TSHZ3: variants seen among roughly 807,000 people sequenced by gnomAD.
TSHZ3 encodes teashirt zinc finger homeobox 3.
A neutral mutation model predicts 64.5 loss-of-function variants in TSHZ3; 10 were observed. That is an observed-to-expected ratio of 0.16 (90% CI 0.10 to 0.26). The LOEUF (loss-of-function observed/expected upper bound fraction) is 0.26. TSHZ3 is among the 10% of genes least tolerant of loss of function. The pLI, the probability that TSHZ3 is intolerant of heterozygous loss-of-function variation, is 1.00. For missense variants in TSHZ3, 1,242 were observed against 1,421.7 expected (o/e 0.87, Z 2.03); for synonymous variants, 608 against 593.1 (o/e 1.03, Z -0.36).
At chr19:31,182,904 G>T (rs572493443) in intron 5 of TSHZ3, among the ~76,000 whole-genome samples, 2 of 152,296 alleles carry the variant, frequency 1.3e-5, no homozygotes, top group African/African-American at 4.8e-5. Flanking sequence ...TCTGGATATT[G>T]CTGTGAAGGT....
chr19:31,208,948 A>C (rs904955757), intron 4 of TSHZ3, among the ~76,000 whole-genome samples: 1 of 152,204 alleles, frequency 6.6e-6, no homozygotes, highest in Non-Finnish European at 1.5e-5. Flanking sequence ...TAGGAAACCA[A>C]AATAGGATGT....
chr19:31,170,804 C>T (rs1974525626), intron 5 of TSHZ3, among the ~76,000 whole-genome samples: 1 of 152,182 alleles, frequency 6.6e-6, no homozygotes. Flanking sequence ...CATTTTCTTT[C>T]CATTATCACC....
intron 1 of TSHZ3, among the ~76,000 whole-genome samples, chr19:31,250,790 C>T (rs1390244854): frequency 1.3e-5 from 2 of 152,124 alleles, no homozygotes; most frequent in East Asian, 1.9e-4. Flanking sequence ...TAGCACTGAG[C>T]CTGACACACA....
At chr19:31,224,313 T>A (rs1182804664) in intron 4 of TSHZ3, among the ~76,000 whole-genome samples, 2 of 152,186 alleles carry the variant, frequency 1.3e-5, no homozygotes, top group Non-Finnish European at 2.9e-5. Flanking sequence ...TCAACCATGG[T>A]TAATTTGTGC....
At chr19:31,285,520 C>T (rs997697319) in intron 1 of TSHZ3, among the ~76,000 whole-genome samples, 1 of 147,558 alleles carries the variant, frequency 6.8e-6, no homozygotes, top group Admixed American at 6.7e-5. Context: ...TGGTGGCTTA[C>T]ACCTGTAATC....
chr19:31,269,162 C>T (rs529865111), intron 1 of TSHZ3, among the ~76,000 whole-genome samples: 3 of 152,220 alleles, frequency 2.0e-5, no homozygotes, highest in East Asian at 1.9e-4. Context: ...CTGTCACCAA[C>T]TCAGTTTTCA....
chr19:31,194,416 C>A (rs908836534), intron 5 of TSHZ3, among the ~76,000 whole-genome samples: 11 of 152,176 alleles, frequency 7.2e-5, no homozygotes, highest in Admixed American at 6.6e-4. Context: ...AGGGTTTTAT[C>A]AGAACTTATC....
chr19:31,228,472 G>A (rs995959322), intron 3 of TSHZ3, among the ~76,000 whole-genome samples: 2 of 146,956 alleles, frequency 1.4e-5, no homozygotes, highest in African/African-American at 5.0e-5. Flanking sequence ...GTTATGGTGA[G>A]TTGAGATCAC....
intron 1 of TSHZ3, among the ~76,000 whole-genome samples, chr19:31,257,051 T>A (rs1027516017): frequency 6.6e-6 from 1 of 152,188 alleles, no homozygotes; most frequent in Middle Eastern, 3.4e-3. Context: ...TGGCCTTTGG[T>A]GTGGGGAGTG....
chr19:31,333,129 T>TAAAC (rs1165359523), intron 1 of TSHZ3, among the ~76,000 whole-genome samples: 4 of 150,502 alleles, frequency 2.7e-5, no homozygotes, highest in Non-Finnish European at 3.0e-5. Context: ...AATAAATAAA[T>TAAAC]AAATAAATAA....
intron 1 of TSHZ3, among the ~76,000 whole-genome samples, chr19:31,339,225 G>GA (rs1039916957): frequency 4.7e-5 from 7 of 147,774 alleles, no homozygotes; most frequent in African/African-American, 7.5e-5. Flanking sequence ...GACTAATGGG[G>GA]AAAAAAAAAG....
intron 1 of TSHZ3, among the ~76,000 whole-genome samples, chr19:31,318,503 A>G (rs1179018097): frequency 6.6e-6 from 1 of 152,228 alleles, no homozygotes; most frequent in Non-Finnish European, 1.5e-5. Flanking sequence ...AAAAATGATA[A>G]CAGTATAAAA....
At chr19:31,272,194 C>T (rs1976152430), downstream of TSHZ3, among the ~76,000 whole-genome samples, 1 of 152,202 alleles carries the variant, frequency 6.6e-6, no homozygotes, top group African/African-American at 2.4e-5. Flanking sequence ...GGGTTTCTGT[C>T]TTCAGAATTC....
intron 1 of TSHZ3, among the ~76,000 whole-genome samples, chr19:31,304,995 C>T (rs1049726326): frequency 6.6e-6 from 1 of 152,172 alleles, no homozygotes; most frequent in Non-Finnish European, 1.5e-5. Flanking sequence ...TACTATACAA[C>T]CATCTTAAGT....
Position 31,222,806 on chromosome 19 carries a change from TTTC to T in TSHZ3, n.686+5196_686+5198del, listed in dbSNP as rs1457101387. ...GAATCTCGTCTCTTGTCCTTCTCCA[TTTC>T]TATTTTGCCATATAAACATGACAGA... On this transcript the variant is annotated intron_variant and non_coding_transcript_variant, in intron 4 of 6. Transcript: ENST00000651361. 6.2e-4 allele frequency among the ~76,000 whole-genome samples: 94 copies of T among 152,344 alleles called. 2 individuals carry two copies. The East Asian group carries it at 0.017, about 28-fold the overall frequency.
intron 1 of TSHZ3, among the ~76,000 whole-genome samples, chr19:31,309,339 G>A (rs1916389414): frequency 6.6e-6 from 1 of 152,138 alleles, no homozygotes; most frequent in Non-Finnish European, 1.5e-5. Context: ...CTTGCCTGAA[G>A]GAGGAACATG....
At chr19:31,166,349 C>A (rs750445223) in intron 5 of TSHZ3, among the ~76,000 whole-genome samples, 2 of 152,076 alleles carry the variant, frequency 1.3e-5, no homozygotes, top group Admixed American at 6.5e-5. Context: ...CTAAGCAGAC[C>A]CAGTGTGGTT....
At chr19:31,209,043 A>G (rs1975224598) in intron 4 of TSHZ3, among the ~76,000 whole-genome samples, 1 of 152,146 alleles carries the variant, frequency 6.6e-6, no homozygotes, top group African/African-American at 2.4e-5. Flanking sequence ...GAGGATCTCA[A>G]GAATGACCCC....
intron 5 of TSHZ3, among the ~76,000 whole-genome samples, chr19:31,189,313 T>C (rs1974865184): frequency 6.6e-6 from 1 of 152,004 alleles, no homozygotes; most frequent in Admixed American, 6.6e-5. Flanking sequence ...GTTTTTTTCT[T>C]ATATTTTTAA....
Sources: gnomAD v4.1 joint callset for allele counts (sites outside exome capture counted in the v4.1 genomes callset) on GRCh38, gnomAD v4.1.1 for gene constraint, MANE v1.5 for transcripts, NCBI Gene and HGNC (gene_info 2026-07-23, HGNC 2026-07-21) for gene names.